PITPNM3: variants seen among roughly 807,000 people sequenced by gnomAD.
PITPNM3 encodes the protein PITPNM family member 3, also known as membrane-associated phosphatidylinositol transfer protein 3.
A neutral mutation model predicts 102.0 loss-of-function variants in PITPNM3; 26 were observed. The ratio of observed to expected loss-of-function variants is 0.25; its 90% CI spans 0.19 to 0.35. The LOEUF (loss-of-function observed/expected upper bound fraction) is 0.35. PITPNM3 is among the 10% of genes least tolerant of loss of function. The pLI is 1.00. For missense variants in PITPNM3, 1,083 were observed against 1,346.1 expected (o/e 0.80, Z 3.06); for synonymous variants, 578 against 558.6 (o/e 1.03, Z -0.49).
chr17:6,524,129 G>A (rs1908691902), intron 3 of PITPNM3, among the ~76,000 whole-genome samples: 1 of 152,194 alleles, frequency 6.6e-6, no homozygotes, highest in African/African-American at 2.4e-5. Context: ...GGATGGGGAT[G>A]AGAAAAGGAA....
chr17:6,495,464 GGA>G (rs1445078703), intron 4 of PITPNM3, among the ~76,000 whole-genome samples: 1 of 152,152 alleles, frequency 6.6e-6, no homozygotes, highest in Admixed American at 6.5e-5. Context: ...CCTGGGTGGA[GGA>G]GAGAGTCTTC....
intron 3 of PITPNM3, among the ~76,000 whole-genome samples, chr17:6,519,630 C>A (rs58780565): frequency 6.6e-6 from 1 of 151,426 alleles, no homozygotes; most frequent in African/African-American, 2.4e-5. Flanking sequence ...AGGAGTTCGA[C>A]ACCAGCCTGG....
At chr17:6,515,171 G>A (rs917040029) in intron 3 of PITPNM3, among the ~76,000 whole-genome samples, 3 of 151,852 alleles carry the variant, frequency 2.0e-5, no homozygotes, top group Non-Finnish European at 2.9e-5. Context: ...CGAGGTGGGC[G>A]GATCACTTGA....
intron 3 of PITPNM3, among the ~76,000 whole-genome samples, chr17:6,512,007 G>A (rs113670508): frequency 6.6e-5 from 10 of 152,284 alleles, no homozygotes; most frequent in African/African-American, 2.2e-4. Flanking sequence ...GCTTATGGGT[G>A]AAAAATACAG....
At chr17:6,509,753 C>T (rs1471107276) in intron 3 of PITPNM3, among the ~76,000 whole-genome samples, 1 of 152,190 alleles carries the variant, frequency 6.6e-6, no homozygotes, top group Non-Finnish European at 1.5e-5. Flanking sequence ...CCAGCGTAAG[C>T]CCCTGCACTC....
At chr17:6,492,542 A>T (rs1240320240) in intron 4 of PITPNM3, among the ~76,000 whole-genome samples, 9 of 152,178 alleles carry the variant, frequency 5.9e-5, no homozygotes. Context: ...TGAGTGAATT[A>T]AGATCCTGTG....
intron 4 of PITPNM3, among the ~76,000 whole-genome samples, chr17:6,489,982 G>A (rs1185008197): frequency 2.0e-5 from 3 of 151,592 alleles, no homozygotes; most frequent in African/African-American, 7.3e-5. Flanking sequence ...CCAGCCTGGC[G>A]ACAGACAGAG....
At chr17:6,508,509 G>C (rs116497137) in intron 3 of PITPNM3, among the ~76,000 whole-genome samples, 1 of 152,192 alleles carries the variant, frequency 6.6e-6, no homozygotes, top group African/African-American at 2.4e-5. Flanking sequence ...TGGCTTCCCA[G>C]GACGGCTCAG....
At chr17:6,488,079 A>T (rs546947398) in intron 4 of PITPNM3, among the ~76,000 whole-genome samples, 1 of 151,850 alleles carries the variant, frequency 6.6e-6, no homozygotes, top group African/African-American at 2.4e-5. Context: ...GAGCTTCCCC[A>T]CAGAAAGGCA....
At position 6,459,910 on chromosome 17, in the gene PITPNM3, T is replaced by C. The variant is rs1210479096; in HGVS notation, c.2490+1463A>G. ...CCCATACCCATCATCGCCTGGATTA[T>C]GGTCTTCCTGTCTTTTGCTTGGGCA... On this transcript the variant is annotated intron_variant, in intron 18 of 19. Coordinates refer to ENST00000262483, the MANE Select transcript of PITPNM3 (RefSeq NM_031220.4). This position sits in a 1 kb window ranked among gnomAD's most constrained non-coding sequence, Gnocchi z 5.0. Among the ~76,000 whole-genome samples, 4 of 152,116 alleles carry C rather than the reference T, an allele frequency of 2.6e-5. No individual in the cohort carries two copies. Among genetic ancestry groups the C allele is most frequent in the Admixed American group, 1.3e-4 (2 of 15,270 alleles).
In PITPNM3 at chr17:6,477,205, T is replaced by A; in HGVS notation, c.909A>T (p.Pro303=). 6.2e-7 allele frequency: 1 copy of A among 1,614,026 alleles called. No homozygotes were observed. ...KGSISSTQDT[P]VAVEEDCSLA... ...GGCTGCAATCTTCCTCCACCGCGAC[T>A]GGGGTGTCCTTTGGGACCGAACAGG... The change falls in exon 9 of 20, where the codon CCA becomes CCT. Residue 303 remains proline (P), a synonymous_variant. Transcript: ENST00000262483.
At chr17:6,483,848 C>T (rs937109035) in intron 5 of PITPNM3, 96 bp from the exon 6 acceptor site, 13 of 1,056,316 alleles carry the variant, frequency 1.2e-5, no homozygotes, top group Non-Finnish European at 1.6e-5. Context: ...TACACACACA[C>T]TCACACACAC....
rs534406746 is a variant in PITPNM3 at position 6,453,807 on chromosome 17, G to T, written c.*1531C>A. On this transcript the variant is annotated 3_prime_UTR_variant, in exon 20 of 20. Transcript: ENST00000262483. ...GTGTATACAGACGTCTGGGCCCTGG[G>T]GCAGCCTGGCTGAAATTGCTGGGAC... 1 of 152,724 alleles carries T rather than the reference G, an allele frequency of 6.5e-6. No individual in the cohort carries two copies. The highest frequency in any genetic ancestry group is 2.4e-5 in the African/African-American group (1 of 41,598). 9.5% of individuals were successfully genotyped at this position (152,724 alleles called of 1,614,324 possible).
chr17:6,456,409 CTT>C (rs1388041590), intron 19 of PITPNM3, among the ~76,000 whole-genome samples: 6 of 152,230 alleles, frequency 3.9e-5, no homozygotes, highest in Admixed American at 3.9e-4. Context: ...CACCATGCCT[CTT>C]GTCATTTTTC....
At chr17:6,466,288 G>A (rs1242665296) in intron 14 of PITPNM3, among the ~76,000 whole-genome samples, 1 of 152,198 alleles carries the variant, frequency 6.6e-6, no homozygotes, top group Non-Finnish European at 1.5e-5. Context: ...CTCAAAGACA[G>A]GTTCTCAACC....
intron 17 of PITPNM3, among the ~76,000 whole-genome samples, chr17:6,463,307 C>T (rs2150717031): frequency 6.6e-6 from 1 of 152,180 alleles, no homozygotes; most frequent in Non-Finnish European, 1.5e-5. Flanking sequence ...CTTATTTTCC[C>T]CACCAGACTC....
Position 6,471,216 on chromosome 17 carries a change from G to A in PITPNM3, c.1569C>T (p.Ser523=), listed in dbSNP as rs568702866. Residue 523 remains serine, a synonymous_variant, in exon 12 of 20, where the codon TCC becomes TCT. Coordinates refer to ENST00000262483, the MANE Select transcript of PITPNM3 (RefSeq NM_031220.4). ...CCGAGGACTCCGAGCTCTCGCTGTGGGAGCTCCCCTCGCTCATCCTCCGTC... is the reference window on the plus strand; with the variant it reads ...CCGAGGACTCCGAGCTCTCGCTGTGAGAGCTCCCCTCGCTCATCCTCCGTC... ...RPGRRMSEGS[S]HSESSESSDS... 5.0e-5 allele frequency: 80 copies of A among 1,613,344 alleles called. 1 individual carries two copies. The South Asian group carries it at 7.9e-4, about 16-fold the overall frequency.
At chr17:6,522,724 C>T (rs1567687013) in intron 3 of PITPNM3, among the ~76,000 whole-genome samples, 1 of 152,154 alleles carries the variant, frequency 6.6e-6, no homozygotes, top group Non-Finnish European at 1.5e-5. Flanking sequence ...GTCTATGCCA[C>T]CAATTTCCAT....
chr17:6,516,684 A>G (rs1361187760), intron 3 of PITPNM3, among the ~76,000 whole-genome samples: 1 of 152,104 alleles, frequency 6.6e-6, no homozygotes, highest in Non-Finnish European at 1.5e-5. Context: ...CCACAACAAA[A>G]ACCTACTCAG....
Sources: allele counts gnomAD v4.1 joint callset (sites outside exome capture counted in the v4.1 genomes callset), GRCh38; gene constraint gnomAD v4.1.1; non-coding constraint Gnocchi (gnomAD v3.1); transcripts MANE v1.5; gene names NCBI Gene and HGNC (gene_info 2026-07-23, HGNC 2026-07-21).